Variants in TMCC1 observed in about 807,000 individuals in gnomAD.
TMCC1 encodes the protein transmembrane and coiled-coil domains protein 1.
Under a neutral mutation model 52.4 loss-of-function variants are expected in TMCC1, and 15 were observed. The ratio of observed to expected loss-of-function variants is 0.29; its 90% CI spans 0.19 to 0.44. TMCC1 has a LOEUF of 0.44. Among genes scored for constraint, TMCC1 ranks in the 20% least tolerant of loss-of-function variants. The probability of loss-of-function intolerance (pLI) is 1.00; values close to 1 mark genes in which losing one functional copy is unlikely to be tolerated. For missense variants in TMCC1, 503 were observed against 806.0 expected (o/e 0.62, Z 4.55); for synonymous variants, 279 against 301.9 (o/e 0.92, Z 0.79).
At chr3:129,714,577 C>A (rs2107576918) in intron 4 of TMCC1, among the ~76,000 whole-genome samples, 1 of 152,194 alleles carries the variant, frequency 6.6e-6, no homozygotes, top group South Asian at 2.1e-4. Context: ...TATGTAACAA[C>A]CCACACATAT....
intron 4 of TMCC1, among the ~76,000 whole-genome samples, chr3:129,814,119 A>T (rs2057979139): frequency 6.6e-6 from 1 of 152,078 alleles, no homozygotes; most frequent in Non-Finnish European, 1.5e-5. Flanking sequence ...TGACAATCAG[A>T]AACCATGAAA....
Position 129,651,736 on chromosome 3 carries a change from C to G in TMCC1, c.1707G>C (p.Gln569His). 6.2e-7 allele frequency: 1 copy of G among 1,613,428 alleles called. No individual in the cohort carries two copies. Among genetic ancestry groups the G allele is most frequent in the South Asian group, 1.1e-5 (1 of 91,070 alleles). The change falls in exon 7 of 7, where the codon CAG (glutamine) becomes CAC (histidine). Residue 569 changes from glutamine (Q) to histidine (H), a missense_variant. This residue lies in a region of TMCC1 where 121 missense variants were observed against 193.6 expected (regional missense o/e 0.62). Transcript: ENST00000393238. This position sits in a 1 kb window ranked among gnomAD's most constrained non-coding sequence, Gnocchi z 5.1. ...CCAGCCCTTCTAGCTGCACCACCTG[C>G]TGCTGCTGCTGCTGCAGCTCCATCT... The part of the protein sequence containing the change: ...ISKMELQQQQ[Q>H]QVVQLEGLEN...
At chr3:129,813,162 C>G (rs186691567) in intron 4 of TMCC1, among the ~76,000 whole-genome samples, 3 of 152,242 alleles carry the variant, frequency 2.0e-5, no homozygotes, top group African/African-American at 7.2e-5. Context: ...CAAAAAATAA[C>G]AGATGCTGGT....
At chr3:129,811,869 A>C (rs1175015579) in intron 4 of TMCC1, among the ~76,000 whole-genome samples, 1 of 151,820 alleles carries the variant, frequency 6.6e-6, no homozygotes, top group Non-Finnish European at 1.5e-5. Flanking sequence ...ACTTGAACCC[A>C]GTAGGCGGAG....
intron 4 of TMCC1, among the ~76,000 whole-genome samples, chr3:129,733,395 A>C (rs780369839): frequency 3.3e-5 from 5 of 152,230 alleles, no homozygotes; most frequent in African/African-American, 1.2e-4. Flanking sequence ...CTTGGCTTCT[A>C]AGAAACAGAT....
At chr3:129,786,224 G>A (rs2056020815) in intron 4 of TMCC1, among the ~76,000 whole-genome samples, 1 of 152,118 alleles carries the variant, frequency 6.6e-6, no homozygotes, top group Non-Finnish European at 1.5e-5. Flanking sequence ...ACAAGTGTGA[G>A]CTGCCGTACC....
chr3:129,748,774 G>C (rs1183238874), intron 4 of TMCC1, among the ~76,000 whole-genome samples: 2 of 151,992 alleles, frequency 1.3e-5, no homozygotes, highest in African/African-American at 4.8e-5. Flanking sequence ...AGGCTGAGGC[G>C]GACAGATCTC....
chr3:129,813,633 G>A (rs1307575424), intron 4 of TMCC1, among the ~76,000 whole-genome samples: 1 of 152,050 alleles, frequency 6.6e-6, no homozygotes, highest in Non-Finnish European at 1.5e-5. Context: ...ACAGACACCA[G>A]GGCCTACTTG....
intron 4 of TMCC1, chr3:129,688,777 C>T: frequency 1.0e-6 from 1 of 980,896 alleles, no homozygotes; most frequent in Non-Finnish European, 1.2e-6. Context: ...CAGTATCTGC[C>T]TCTCTTCTCC....
chr3:129,873,337 T>A, intron 2 of TMCC1, among the ~76,000 whole-genome samples: 1 of 141,172 alleles, frequency 7.1e-6, no homozygotes. Context: ...AGAAAAAAAA[T>A]CACAGGAAAT....
At chr3:129,840,704 C>T (rs2059386057) in intron 2 of TMCC1, among the ~76,000 whole-genome samples, 1 of 152,180 alleles carries the variant, frequency 6.6e-6, no homozygotes, top group Non-Finnish European at 1.5e-5. Flanking sequence ...GACAGTTCCC[C>T]ACCCCACTCC....
intron 4 of TMCC1, among the ~76,000 whole-genome samples, chr3:129,730,857 AAC>A (rs2050485507): frequency 6.6e-6 from 1 of 152,252 alleles, no homozygotes. Flanking sequence ...ATGGTTATAT[AAC>A]AGTTTTTAAA....
At chr3:129,770,697 C>G (rs911246840) in intron 4 of TMCC1, among the ~76,000 whole-genome samples, 8 of 151,622 alleles carry the variant, frequency 5.3e-5, no homozygotes, top group Non-Finnish European at 1.2e-4. Context: ...AAAAACACTC[C>G]TAAACCATAG....
intron 4 of TMCC1, among the ~76,000 whole-genome samples, chr3:129,740,179 A>C (rs1053515150): frequency 9.2e-5 from 14 of 152,122 alleles, no homozygotes; most frequent in African/African-American, 1.9e-4. Flanking sequence ...CCCAATATAT[A>C]CTAGTTACCT....
chr3:129,683,127 G>C (rs1290650167), intron 4 of TMCC1, among the ~76,000 whole-genome samples: 1 of 152,178 alleles, frequency 6.6e-6, no homozygotes, highest in Non-Finnish European at 1.5e-5. Flanking sequence ...GAGCCACTAC[G>C]CCCGGCCCTT....
At chr3:129,868,396 G>A (rs192089101) in intron 2 of TMCC1, among the ~76,000 whole-genome samples, 264 of 152,252 alleles carry the variant, frequency 1.7e-3, no homozygotes, top group Non-Finnish European at 2.6e-3. Context: ...AAACAATACT[G>A]GAATTTGATA....
chr3:129,773,580 A>G (rs948860311), intron 4 of TMCC1, among the ~76,000 whole-genome samples: 8 of 152,242 alleles, frequency 5.3e-5, no homozygotes, highest in African/African-American at 1.4e-4. Flanking sequence ...GTGAAAGAGA[A>G]CAAATAAGCC....
At chr3:129,861,305 T>C (rs2060386120) in intron 2 of TMCC1, among the ~76,000 whole-genome samples, 1 of 152,028 alleles carries the variant, frequency 6.6e-6, no homozygotes, top group Admixed American at 6.6e-5. Context: ...CTGGGTGTGG[T>C]GGCGTGCACC....
At chr3:129,687,855 C>T (rs942945363) in intron 4 of TMCC1, among the ~76,000 whole-genome samples, 5 of 152,150 alleles carry the variant, frequency 3.3e-5, no homozygotes, top group Admixed American at 1.3e-4. Context: ...CCTTCTCCCG[C>T]TTCAGACTAT....
Sources: allele counts gnomAD v4.1 joint callset (sites outside exome capture counted in the v4.1 genomes callset), GRCh38; gene constraint gnomAD v4.1.1; regional missense constraint gnomAD v4.1.1; non-coding constraint Gnocchi (gnomAD v3.1); transcripts MANE v1.5; gene names NCBI Gene and HGNC (gene_info 2026-07-23, HGNC 2026-07-21).